The following WDR72 variants were observed in gnomAD, a reference collection of about 807,000 sequenced individuals.
The protein encoded by WDR72 is WD repeat-containing protein 72.
Under a neutral mutation model 124.2 loss-of-function variants are expected in WDR72, and 120 were observed. The observed-to-expected ratio is 0.97, with a 90% CI of 0.83 to 1.12. The LOEUF (loss-of-function observed/expected upper bound fraction) is 1.12. Among genes scored for constraint, WDR72 ranks in the 50% most tolerant of loss-of-function variants. The probability of loss-of-function intolerance (pLI) is 0.00; values close to 1 mark genes in which losing one functional copy is unlikely to be tolerated. For synonymous variants in WDR72, 452 were observed against 441.7 expected, an observed-to-expected ratio of 1.02 and a Z score of -0.29; for missense variants, 1,387 against 1,278.8, an observed-to-expected ratio of 1.08 and a Z score of -1.29.
At chr15:53,585,006 T>C (rs1006466424) in intron 18 of WDR72, among the ~76,000 whole-genome samples, 3 of 151,938 alleles carry the variant, frequency 2.0e-5, no homozygotes, top group African/African-American at 7.2e-5. Flanking sequence ...AACTTTAATA[T>C]CTCATTCACC....
chr15:53,737,366 T>A (rs1210559542), intron 1 of WDR72, among the ~76,000 whole-genome samples: 4 of 152,150 alleles, frequency 2.6e-5, no homozygotes, highest in African/African-American at 9.7e-5. Flanking sequence ...TGGATTAAAC[T>A]TGCTAGTTAA....
chr15:53,712,724 A>C (rs1170292733), intron 7 of WDR72, 48 bp downstream of exon 7: 2 of 1,573,586 alleles, frequency 1.3e-6, no homozygotes, highest in South Asian at 2.3e-5. Flanking sequence ...AAAACAAAAA[A>C]AATTACACTT....
chr15:53,712,816 A>C lies in WDR72; in HGVS notation c.667T>G (p.Tyr223Asp). ...ACCACCAATAGAAGTCTCTCAGTAT[A>C]TGTGCAAAATCGAATTGTCTGGCAG... ...LNCQTIRFCTYTERLLLVVFS... is the reference protein window; with the variant it reads ...LNCQTIRFCTDTERLLLVVFS... The change falls in exon 7 of 20, where the codon TAT becomes GAT. Residue 223 changes from tyrosine to aspartate, a missense_variant. Tyr to Asp is a radical substitution (Grantham distance 160). Coordinates refer to ENST00000360509, the MANE Select transcript of WDR72 (RefSeq NM_182758.4). The C allele has an allele frequency of 6.2e-7, 1 of 1,613,760 alleles. No homozygotes were observed. Among genetic ancestry groups the C allele is most frequent in the Non-Finnish European group, 8.5e-7 (1 of 1,179,734 alleles).
At chr15:53,710,394 ATG>A (rs1321642091) in intron 9 of WDR72, among the ~76,000 whole-genome samples, 13 of 64,022 alleles carry the variant, frequency 2.0e-4, no homozygotes, top group Admixed American at 1.9e-3. Context: ...GAGACAGAGA[ATG>A]AGAAAGTAAA....
At chr15:53,640,629 G>C (rs1487589292) in intron 14 of WDR72, among the ~76,000 whole-genome samples, 7 of 152,042 alleles carry the variant, frequency 4.6e-5, no homozygotes, top group Admixed American at 3.9e-4. Flanking sequence ...AAATTGTGAG[G>C]CTGCTCCAGC....
chr15:53,540,658 G>A (rs188503147), intron 18 of WDR72, among the ~76,000 whole-genome samples: 18 of 152,040 alleles, frequency 1.2e-4, no homozygotes, highest in African/African-American at 4.3e-4. Context: ...GGCTGAATAC[G>A]AACAGCTCCG....
intron 13 of WDR72, among the ~76,000 whole-genome samples, chr15:53,688,463 A>G (rs1328674567): frequency 2.6e-5 from 4 of 151,696 alleles, no homozygotes; most frequent in African/African-American, 9.7e-5. Context: ...CCCATTCACA[A>G]TTGCTTCAAA....
chr15:53,519,031 T>C (rs1193329654), intron 19 of WDR72, among the ~76,000 whole-genome samples: 5 of 152,104 alleles, frequency 3.3e-5, no homozygotes, highest in Non-Finnish European at 5.9e-5. Context: ...CTCTTGTCAC[T>C]ATTATTTTCA....
At chr15:53,624,126 TAGA>T (rs2014115345) in intron 14 of WDR72, among the ~76,000 whole-genome samples, 1 of 152,134 alleles carries the variant, frequency 6.6e-6, no homozygotes, top group African/African-American at 2.4e-5. Context: ...AAGTGATGGC[TAGA>T]AGAAGGGTAA....
At position 53,523,545 on chromosome 15, in the gene WDR72, A is replaced by G. The variant is rs187394235; in HGVS notation, c.3149-223T>C. The stretch of plus-strand genomic sequence containing the variant: ...GATGTGACTTTATCTTAGAAGAAAA[A>G]TAAGTTCACGGCATCAGCTTAAAAG... On this transcript the variant is annotated intron_variant, in intron 18 of 19. Transcript: ENST00000360509. Among the ~76,000 whole-genome samples, 673 of 152,188 alleles carry G rather than the reference A, an allele frequency of 4.4e-3. 2 individuals are homozygous for G. The highest frequency in any genetic ancestry group is 7.4e-3 in the Non-Finnish European group (504 of 67,980).
At chr15:53,600,993 C>T (rs774631582) in intron 17 of WDR72, among the ~76,000 whole-genome samples, 1 of 152,120 alleles carries the variant, frequency 6.6e-6, no homozygotes, top group African/African-American at 2.4e-5. Flanking sequence ...ATTCATTCTT[C>T]CCCCAACCTT....
At chr15:53,625,428 G>A (rs547639977) in intron 14 of WDR72, among the ~76,000 whole-genome samples, 1 of 152,256 alleles carries the variant, frequency 6.6e-6, no homozygotes, top group South Asian at 2.1e-4. Flanking sequence ...AAGAGAGAAG[G>A]TATTGTTTAC....
intron 18 of WDR72, among the ~76,000 whole-genome samples, chr15:53,536,155 C>T (rs899074526): frequency 6.6e-6 from 1 of 152,126 alleles, no homozygotes; most frequent in African/African-American, 2.4e-5. Context: ...TTTCTGCTGG[C>T]TGCTCACCAT....
At chr15:53,728,211 GC>G (rs1458745834) in intron 2 of WDR72, among the ~76,000 whole-genome samples, 2 of 152,198 alleles carry the variant, frequency 1.3e-5, no homozygotes, top group Non-Finnish European at 2.9e-5. Flanking sequence ...ATGGCAGCAG[GC>G]AAAGAGAGAT....
chr15:53,670,871 C>T (rs1238532098), intron 13 of WDR72, among the ~76,000 whole-genome samples: 2 of 152,174 alleles, frequency 1.3e-5, no homozygotes, highest in Non-Finnish European at 2.9e-5. Flanking sequence ...GGCCCCCAAG[C>T]ACTAGAGTCT....
intron 14 of WDR72, among the ~76,000 whole-genome samples, chr15:53,662,011 C>G (rs1595828307): frequency 6.6e-6 from 1 of 152,080 alleles, no homozygotes; most frequent in African/African-American, 2.4e-5. Flanking sequence ...AGCAACTAAC[C>G]AACCAACAAA....
intron 18 of WDR72, among the ~76,000 whole-genome samples, chr15:53,567,125 C>T (rs895286545): frequency 6.6e-6 from 1 of 151,936 alleles, no homozygotes; most frequent in Non-Finnish European, 1.5e-5. Context: ...CACACCACCT[C>T]GTATAAATCT....
chr15:53,727,978 C>T (rs945126034), intron 2 of WDR72, among the ~76,000 whole-genome samples: 1 of 152,166 alleles, frequency 6.6e-6, no homozygotes, highest in Non-Finnish European at 1.5e-5. Context: ...TCCTCCTGAC[C>T]ACCACCATCA....
rs568897567 is a variant in WDR72 at position 53,730,503 on chromosome 15, C to A, written c.153+2494G>T. ...TTTTTCCATTTTGCATGGTGGCAAG[C>A]GAGTGTTTAAGACCACAGAACCTGA... On this transcript the variant is annotated intron_variant, in intron 2 of 19. Coordinates refer to ENST00000360509, the MANE Select transcript of WDR72 (RefSeq NM_182758.4). Among the ~76,000 whole-genome samples, 73 of 152,230 alleles carry A rather than the reference C, an allele frequency of 4.8e-4. No individual in the cohort carries two copies. The South Asian group carries it at 0.015, about 31-fold the overall frequency.
Sources: allele counts gnomAD v4.1 joint callset (sites outside exome capture counted in the v4.1 genomes callset), GRCh38; gene constraint gnomAD v4.1.1; transcripts MANE v1.5; gene names NCBI Gene and HGNC (gene_info 2026-07-23, HGNC 2026-07-21).